Variants in MCMBP observed in about 807,000 individuals in gnomAD.
MCMBP encodes the protein minichromosome maintenance complex binding protein, also known as mini-chromosome maintenance complex-binding protein.
Under a neutral mutation model 81.3 loss-of-function variants are expected in MCMBP, and 31 were observed. The ratio of observed to expected loss-of-function variants is 0.38; its 90% confidence interval spans 0.29 to 0.51. The LOEUF (loss-of-function observed/expected upper bound fraction) is 0.51. Ranked by LOEUF, MCMBP falls within the 20% of genes least tolerant of loss-of-function variation. The pLI, the probability that MCMBP is intolerant of heterozygous loss-of-function variation, is 0.87. For missense variants in MCMBP, 645 were observed against 772.1 expected, an observed-to-expected ratio of 0.84 and a Z score of 1.95; for synonymous variants, 267 against 275.9, an observed-to-expected ratio of 0.97 and a Z score of 0.32.
chr10:119,845,261 A>G (rs1441863612), intron 8 of MCMBP, among the ~76,000 whole-genome samples: 2 of 152,166 alleles, frequency 1.3e-5, no homozygotes, highest in Non-Finnish European at 2.9e-5. Context: ...AAAAATGTTA[A>G]GTTCATCCTA....
intron 13 of MCMBP, among the ~76,000 whole-genome samples, chr10:119,836,659 C>A (rs1852251418): frequency 6.6e-6 from 1 of 151,306 alleles, no homozygotes; most frequent in Admixed American, 6.6e-5. Flanking sequence ...AACAGCCTTG[C>A]TGGTCTCATG....
intron 10 of MCMBP, among the ~76,000 whole-genome samples, 154 bp from the exon 11 acceptor site, chr10:119,841,114 A>T (rs1408874458): frequency 6.6e-6 from 1 of 152,258 alleles, no homozygotes; most frequent in Non-Finnish European, 1.5e-5. Context: ...CAATAAAAGT[A>T]ATAGCCAATA....
In MCMBP at chr10:119,859,689, G is replaced by C. The variant is rs1370971244; in HGVS notation, c.144+110C>G. On this transcript the variant is annotated intron_variant, in intron 2 of 15. Coordinates refer to ENST00000369077, the MANE Select transcript of MCMBP (RefSeq NM_001256378.2). ...TAATACAAATGTACTTGAAGCAGAAGTACATTAATTTACATATTTTTAAAT... is the reference window on the plus strand; with the variant it reads ...TAATACAAATGTACTTGAAGCAGAACTACATTAATTTACATATTTTTAAAT... 6.0e-6 allele frequency: 4 copies of C among 669,682 alleles called. No homozygotes were observed. In the Admixed American group the frequency reaches 9.4e-5, roughly 16 times the overall value. The allele number at this position is 669,682 out of a possible 1,614,324, so 41.5% of individuals were successfully genotyped here. A position where few individuals can be genotyped will look rare whatever the true frequency, so the allele number is the denominator to read the frequency against.
chr10:119,871,146 G>A (rs1853656458), intron 1 of MCMBP, among the ~76,000 whole-genome samples: 1 of 152,110 alleles, frequency 6.6e-6, no homozygotes, highest in African/African-American at 2.4e-5. Context: ...TTACTTTGGA[G>A]GGATTTTTCC....
In MCMBP at chr10:119,842,527, G is replaced by A. The variant is rs768971637; in HGVS notation, c.1069C>T (p.Leu357Phe). Residue 357 changes from leucine to phenylalanine, a missense_variant, in exon 10 of 16, where the codon CTT (leucine) becomes TTT (phenylalanine). Physicochemically the swap from Leu to Phe is conservative, Grantham distance 22. Coordinates refer to ENST00000369077, the MANE Select transcript of MCMBP (RefSeq NM_001256378.2). ...TCAGCAGCCAAACTATCCCCCAGAA[G>A]GGCATGAGTAAGGAACCCAAGAAGT... ...AELLGFLTHALLGDSLAAEYL... is the reference protein window; with the variant it reads ...AELLGFLTHAFLGDSLAAEYL... 6.2e-7 allele frequency: 1 copy of A among 1,613,938 alleles called. No homozygotes were observed. The highest frequency in any genetic ancestry group is 8.5e-7 in the Non-Finnish European group (1 of 1,179,892).
chr10:119,845,580 G>A (rs184508955), intron 8 of MCMBP, among the ~76,000 whole-genome samples: 21 of 152,312 alleles, frequency 1.4e-4, no homozygotes, highest in African/African-American at 3.8e-4. Flanking sequence ...GGAACAGACA[G>A]CAGGAATGGG....
chr10:119,870,315 C>T (rs1374062894), intron 1 of MCMBP, among the ~76,000 whole-genome samples: 1 of 152,036 alleles, frequency 6.6e-6, no homozygotes, highest in East Asian at 1.9e-4. Flanking sequence ...GGCGTGGTGG[C>T]GCGGGCCTAT....
chr10:119,845,874 T>C (rs1439769861), intron 8 of MCMBP, among the ~76,000 whole-genome samples: 1 of 152,130 alleles, frequency 6.6e-6, no homozygotes, highest in Admixed American at 6.5e-5. Flanking sequence ...AAAGAAGTCA[T>C]AAATATAGAA....
At chr10:119,863,637 G>A (rs1214976536) in intron 1 of MCMBP, among the ~76,000 whole-genome samples, 1 of 146,730 alleles carries the variant, frequency 6.8e-6, no homozygotes, top group African/African-American at 2.5e-5. Flanking sequence ...GGTGAGACAG[G>A]AGAATTGCTT....
At chr10:119,851,821 T>C (rs1245448363) in intron 6 of MCMBP, among the ~76,000 whole-genome samples, 1 of 152,158 alleles carries the variant, frequency 6.6e-6, no homozygotes, top group Non-Finnish European at 1.5e-5. Context: ...TAAGGGTAAA[T>C]AAAATTCATT....
intron 1 of MCMBP, among the ~76,000 whole-genome samples, chr10:119,861,733 A>G (rs1255014441): frequency 2.6e-5 from 4 of 152,172 alleles, no homozygotes; most frequent in Non-Finnish European, 4.4e-5. Context: ...TTGAATGTAT[A>G]TAAATGCAAT....
intron 1 of MCMBP, among the ~76,000 whole-genome samples, chr10:119,864,407 A>G (rs765749634): frequency 3.3e-5 from 5 of 152,164 alleles, no homozygotes; most frequent in South Asian, 2.1e-4. Flanking sequence ...ATGAATTTCT[A>G]TCTGTAGAGC....
At chr10:119,849,197 A>G (rs1852722960) in intron 7 of MCMBP, among the ~76,000 whole-genome samples, 1 of 152,188 alleles carries the variant, frequency 6.6e-6, no homozygotes, top group Non-Finnish European at 1.5e-5. Flanking sequence ...GGGCTCCGAG[A>G]AAGGAATGTA....
At chr10:119,832,643 C>T (rs759092470) in intron 14 of MCMBP, among the ~76,000 whole-genome samples, 17 of 152,082 alleles carry the variant, frequency 1.1e-4, no homozygotes, top group Non-Finnish European at 2.5e-4. Context: ...AGGGCTCCTT[C>T]CAAGTGCCAT....
intron 1 of MCMBP, among the ~76,000 whole-genome samples, chr10:119,868,416 A>G (rs1391195723): frequency 6.6e-6 from 1 of 152,222 alleles, no homozygotes; most frequent in African/African-American, 2.4e-5. Context: ...ACAGAGCAAG[A>G]CACTGACTCC....
intron 2 of MCMBP, 126 bp from the exon 3 acceptor site, chr10:119,859,307 C>T (rs1485555624): frequency 9.4e-6 from 7 of 747,630 alleles, no homozygotes; most frequent in Non-Finnish European, 1.2e-5. Context: ...CACACACACC[C>T]ATGCCACATC....
In MCMBP at chr10:119,857,371, A is replaced by G. The variant is rs140911978; in HGVS notation, c.396T>C (p.Val132=). 5.5e-5 allele frequency: 89 copies of G among 1,610,948 alleles called. No individual in the cohort carries two copies. Among genetic ancestry groups the G allele is most frequent in the Non-Finnish European group, 7.3e-5 (86 of 1,177,794 alleles). ...CCCACGTAGATTCCCCAGGCACCGG[A>G]ACACAATAGAAAGTCTGTCTTTCCA... ...TTLERQTFYC[V]PVPGESTWVK... The change falls in exon 5 of 16, where the codon GTT becomes GTC. Residue 132 remains valine, a synonymous_variant. Transcript: ENST00000369077.
Position 119,840,868 on chromosome 10 carries a change from C to T in MCMBP, c.1217G>A (p.Arg406Gln), listed in dbSNP as rs558629876. The T allele has an allele frequency of 1.4e-5, 22 of 1,600,638 alleles. No individual in the cohort carries two copies. In the African/African-American group the frequency reaches 1.5e-4, roughly 11 times the overall value. ...RNSTFTEHLY[R>Q]IIQHLVPASF... ...TGCTGGAACAAGATGTTGAATAATT[C>T]GATACAAGTGTTCTGTGAAGGTACT... The change falls in exon 11 of 16, where the codon CGA becomes CAA. Residue 406 changes from arginine (R) to glutamine (Q), a missense_variant. By Grantham distance (43) the Arg-to-Gln change is conservative. Coordinates refer to ENST00000369077, the MANE Select transcript of MCMBP (RefSeq NM_001256378.2).
At chr10:119,862,390 G>T (rs990616505) in intron 1 of MCMBP, among the ~76,000 whole-genome samples, 2 of 152,192 alleles carry the variant, frequency 1.3e-5, no homozygotes, top group East Asian at 3.9e-4. Flanking sequence ...GTGTCCTTAG[G>T]ATCCAACTAT....
Sources: gnomAD v4.1 joint callset for allele counts (sites outside exome capture counted in the v4.1 genomes callset) on GRCh38, gnomAD v4.1.1 for gene constraint, MANE v1.5 for transcripts, NCBI Gene and HGNC (gene_info 2026-07-23, HGNC 2026-07-21) for gene names.